SOX6: variants seen among roughly 807,000 people sequenced by gnomAD.
SOX6 encodes the protein transcription factor SOX-6.
Under a neutral mutation model 97.8 loss-of-function variants are expected in SOX6, and 11 were observed. The observed-to-expected ratio is 0.11, with a 90% CI of 0.07 to 0.19. The LOEUF (loss-of-function observed/expected upper bound fraction) is 0.19. Among genes scored for constraint, SOX6 ranks in the 10% least tolerant of loss-of-function variants. SOX6 has a pLI of 1.00. For synonymous variants in SOX6, 360 were observed against 371.4 expected (o/e 0.97, Z 0.35); for missense variants, 810 against 1,039.5 (o/e 0.78, Z 3.04).
chr11:16,188,026 A>G (rs1851529745), intron 4 of SOX6, among the ~76,000 whole-genome samples: 1 of 152,088 alleles, frequency 6.6e-6, no homozygotes. Flanking sequence ...CCTCATTCCT[A>G]CTAAGAAAGC....
At position 15,970,713 on chromosome 11, in the gene SOX6, T is replaced by C. The variant is rs138653866; in HGVS notation, c.*2096A>G. 66 of 152,796 alleles carry C rather than the reference T, an allele frequency of 4.3e-4. No individual in the cohort carries two copies. The highest frequency in any genetic ancestry group is 1.5e-3 in the African/African-American group (62 of 41,590). The allele number at this position is 152,796 out of a possible 1,614,324, so 9.5% of individuals were successfully genotyped here. A position where few individuals can be genotyped will look rare whatever the true frequency, so the allele number is the denominator to read the frequency against. ...AGCTAACAGAATAGCTTGTAATTTC[T>C]TGGCTAGACCTGTTTATTGCTATTA... On this transcript the variant is annotated 3_prime_UTR_variant, in exon 16 of 16. Coordinates refer to ENST00000683767, the MANE Select transcript of SOX6 (RefSeq NM_001367873.1).
intron 12 of SOX6, among the ~76,000 whole-genome samples, chr11:16,044,013 A>G (rs1855754195): frequency 1.3e-5 from 2 of 152,208 alleles, no homozygotes; most frequent in African/African-American, 2.4e-5. Context: ...AGACTGCACC[A>G]GAGTACAACC....
chr11:16,273,398 G>C (rs1479391386), intron 3 of SOX6, among the ~76,000 whole-genome samples: 1 of 151,880 alleles, frequency 6.6e-6, no homozygotes, highest in East Asian at 1.9e-4. Flanking sequence ...CTGTCTGACA[G>C]ATGTAAATAA....
chr11:16,179,768 A>G (rs932534332), intron 6 of SOX6, among the ~76,000 whole-genome samples: 1 of 151,902 alleles, frequency 6.6e-6, no homozygotes, highest in African/African-American at 2.4e-5. Context: ...ATAAAACCCC[A>G]TCCAGCCAGT....
rs1859675485 is a variant in SOX6, at chr11:16,449,357, A to T, written c.-5+26958T>A. ...GCCCAGGCTGGAGTGCAGTGGAGCC[A>T]TCTCGGCTCACTGCAAGCTCCGCCT... On this transcript the variant is annotated intron_variant, in intron 1 of 15. Transcript: ENST00000396356. Among the ~76,000 whole-genome samples the T allele has an allele frequency of 2.4e-5, 3 of 125,356 alleles. No individual in the cohort carries two copies. The South Asian group carries it at 7.4e-4, about 31-fold the overall frequency. The allele number at this position is 125,356 out of a possible 152,430, so 82.2% of individuals were successfully genotyped here.
At chr11:16,077,226 T>A (rs1848375538) in intron 9 of SOX6, among the ~76,000 whole-genome samples, 2 of 152,046 alleles carry the variant, frequency 1.3e-5, no homozygotes, top group South Asian at 4.2e-4. Context: ...CCAAACCATA[T>A]CAATATCACT....
intron 9 of SOX6, among the ~76,000 whole-genome samples, chr11:16,095,308 T>G (rs947416000): frequency 6.6e-6 from 1 of 151,782 alleles, no homozygotes. Flanking sequence ...TGGGTTCTTA[T>G]AGAAGAAAAG....
intron 3 of SOX6, among the ~76,000 whole-genome samples, chr11:16,238,758 T>G (rs576216481): frequency 1.2e-4 from 19 of 152,230 alleles, no homozygotes; most frequent in African/African-American, 4.3e-4. Context: ...TCCCTTTACC[T>G]CGTGATATTT....
intron 12 of SOX6, among the ~76,000 whole-genome samples, chr11:16,024,256 A>C (rs1210492093): frequency 6.6e-6 from 1 of 152,106 alleles, no homozygotes; most frequent in Non-Finnish European, 1.5e-5. Flanking sequence ...ACTTCCAGGC[A>C]GTACTGTGAG....
chr11:16,338,244 A>T (rs970450403), intron 2 of SOX6, among the ~76,000 whole-genome samples: 23 of 152,154 alleles, frequency 1.5e-4, no homozygotes, highest in Non-Finnish European at 2.5e-4. Flanking sequence ...AAAAACTACA[A>T]GTTTTACTTG....
At chr11:16,130,582 T>C (rs1338226837) in intron 6 of SOX6, among the ~76,000 whole-genome samples, 1 of 151,968 alleles carries the variant, frequency 6.6e-6, no homozygotes, top group African/African-American at 2.4e-5. Context: ...TCAAACTGAT[T>C]TATAGATTCA....
chr11:16,694,388 T>G (rs1415231454), intron 3 of SOX6, among the ~76,000 whole-genome samples: 1 of 152,030 alleles, frequency 6.6e-6, no homozygotes, highest in Non-Finnish European at 1.5e-5. Flanking sequence ...CCGGGTATGG[T>G]GGTGCATACC....
chr11:16,215,714 G>C (rs1852354054), intron 4 of SOX6, among the ~76,000 whole-genome samples: 1 of 151,844 alleles, frequency 6.6e-6, no homozygotes, highest in Admixed American at 6.6e-5. Context: ...AAATTAAAAG[G>C]GAAAATTTAC....
At chr11:16,597,330 ATG>A (rs35921173) in intron 4 of SOX6, among the ~76,000 whole-genome samples, 52 of 150,468 alleles carry the variant, frequency 3.5e-4, no homozygotes, top group African/African-American at 9.0e-4. Context: ...ATGTATGTAT[ATG>A]TGTGTGTGTA....
intron 1 of SOX6, among the ~76,000 whole-genome samples, chr11:16,419,706 G>A (rs918968034): frequency 6.6e-6 from 1 of 151,922 alleles, no homozygotes; most frequent in Non-Finnish European, 1.5e-5. Flanking sequence ...AATATAGCCG[G>A]ATTTTTCCTA....
intron 4 of SOX6, among the ~76,000 whole-genome samples, chr11:16,579,493 G>C (rs1292927896): frequency 6.6e-6 from 1 of 151,930 alleles, no homozygotes; most frequent in South Asian, 2.1e-4. Flanking sequence ...TCATTGTAAA[G>C]TAGTTATGCC....
chr11:16,062,749 A>G (rs1847989330), intron 9 of SOX6, among the ~76,000 whole-genome samples: 1 of 151,726 alleles, frequency 6.6e-6, no homozygotes. Context: ...TTAAGAAATG[A>G]TTTTACTTTA....
At chr11:16,137,443 A>G (rs1441987396) in intron 6 of SOX6, among the ~76,000 whole-genome samples, 1 of 152,082 alleles carries the variant, frequency 6.6e-6, no homozygotes, top group Non-Finnish European at 1.5e-5. Context: ...TAAATAAAAT[A>G]AAATAAATAA....
At chr11:16,178,045 C>A (rs1851246263) in intron 6 of SOX6, among the ~76,000 whole-genome samples, 1 of 151,906 alleles carries the variant, frequency 6.6e-6, no homozygotes, top group African/African-American at 2.4e-5. Context: ...TTGAGATTCA[C>A]CTTCAGGTTT....
Sources: allele counts gnomAD v4.1 joint callset (sites outside exome capture counted in the v4.1 genomes callset), GRCh38; gene constraint gnomAD v4.1.1; transcripts MANE v1.5; gene names NCBI Gene and HGNC (gene_info 2026-07-23, HGNC 2026-07-21).